The following FBXW11 variants were observed in gnomAD, a reference collection of about 807,000 sequenced individuals.
FBXW11 encodes the protein F-box/WD repeat-containing protein 11.
A neutral mutation model predicts 77.6 loss-of-function variants in FBXW11; 19 were observed. That is an observed-to-expected ratio of 0.24 (90% CI 0.17 to 0.36). FBXW11 has a LOEUF of 0.36. Among genes scored for constraint, FBXW11 ranks in the 10% least tolerant of loss-of-function variants. FBXW11 has a pLI of 1.00. For missense variants in FBXW11, 334 were observed against 704.2 expected (o/e 0.47, Z 5.95); for synonymous variants, 235 against 249.4 (o/e 0.94, Z 0.54).
chr5:171,996,364 G>A (rs1196973435), intron 1 of FBXW11, among the ~76,000 whole-genome samples: 1 of 152,014 alleles, frequency 6.6e-6, no homozygotes, highest in African/African-American at 2.4e-5. Context: ...AAACTATTTG[G>A]GCTTACAATA....
intron 2 of FBXW11, among the ~76,000 whole-genome samples, chr5:171,925,648 T>C (rs1365831664): frequency 6.6e-6 from 1 of 152,120 alleles, no homozygotes; most frequent in Non-Finnish European, 1.5e-5. Context: ...GCCTGGCTAA[T>C]TTTTTTATTT....
intron 1 of FBXW11, among the ~76,000 whole-genome samples, chr5:172,006,009 C>T (rs1031142093): frequency 6.6e-6 from 1 of 152,214 alleles, no homozygotes; most frequent in Non-Finnish European, 1.5e-5. Flanking sequence ...GACGCGGAGG[C>T]CCAGGCGGCC....
chr5:171,969,565 T>C (rs910707339), intron 1 of FBXW11, among the ~76,000 whole-genome samples: 1 of 152,258 alleles, frequency 6.6e-6, no homozygotes, highest in Admixed American at 6.5e-5. Context: ...AAATTATTTC[T>C]GCAAATAAAG....
intron 2 of FBXW11, among the ~76,000 whole-genome samples, chr5:171,938,588 T>C (rs1466675582): frequency 6.6e-6 from 1 of 152,114 alleles, no homozygotes; most frequent in Non-Finnish European, 1.5e-5. Flanking sequence ...TGGAAGAAAA[T>C]TTGTTAATAT....
intron 2 of FBXW11, among the ~76,000 whole-genome samples, chr5:171,939,027 A>C (rs1365994143): frequency 6.6e-6 from 1 of 151,168 alleles, no homozygotes; most frequent in African/African-American, 2.4e-5. Flanking sequence ...CGAGGTCAGG[A>C]GTTTAAGACC....
rs375028061 is a variant in FBXW11, at chr5:171,880,742, G to A, written c.853-2613C>T. Among the ~76,000 whole-genome samples, 12 of 152,296 alleles carry A rather than the reference G, an allele frequency of 7.9e-5. No individual in the cohort carries two copies. The East Asian group carries it at 1.7e-3, about 22-fold the overall frequency. ...GATGGAGTCTCACTCTGTCACCCAG[G>A]CTGGAGTGCAATGGCGCGATCTCGG... is the stretch of plus-strand genomic sequence containing the variant. On this transcript the variant is annotated intron_variant, in intron 7 of 13. Transcript: ENST00000517395.
intron 7 of FBXW11, among the ~76,000 whole-genome samples, chr5:171,885,085 GTTGTGTA>G (rs1758786134): frequency 6.6e-6 from 1 of 152,204 alleles, no homozygotes. Context: ...GGGGGCTGGA[GTTGTGTA>G]TTTCCCTTCC....
At chr5:171,895,449 A>G (rs751009408) in intron 6 of FBXW11, among the ~76,000 whole-genome samples, 6 of 152,134 alleles carry the variant, frequency 3.9e-5, no homozygotes, top group Non-Finnish European at 8.8e-5. Context: ...AAAGCTCCCC[A>G]CTTTCCCTGA....
At chr5:171,864,576 C>T (rs1441576629) in intron 13 of FBXW11, among the ~76,000 whole-genome samples, 1 of 152,112 alleles carries the variant, frequency 6.6e-6, no homozygotes, top group Non-Finnish European at 1.5e-5. Flanking sequence ...CACAAGGAAA[C>T]AAAAATATGC....
At chr5:171,914,541 C>A in intron 2 of FBXW11, 136 bp from the exon 3 acceptor site, 1 of 630,762 alleles carries the variant, frequency 1.6e-6, no homozygotes, top group Non-Finnish European at 2.6e-6. Flanking sequence ...GTGGCTAACA[C>A]ATGCCATTTT....
chr5:172,005,417 G>T (rs1351113255), intron 1 of FBXW11, among the ~76,000 whole-genome samples: 1 of 152,156 alleles, frequency 6.6e-6, no homozygotes, highest in African/African-American at 2.4e-5. Flanking sequence ...TCATGTTCAC[G>T]TTGGCAGGTA....
intron 3 of FBXW11, among the ~76,000 whole-genome samples, chr5:171,911,829 T>C (rs1233273082): frequency 6.6e-6 from 1 of 152,172 alleles, no homozygotes; most frequent in Non-Finnish European, 1.5e-5. Context: ...TCTCAATCAC[T>C]AGACTCAAAC....
At chr5:171,946,254 T>A (rs564757167) in intron 2 of FBXW11, among the ~76,000 whole-genome samples, 1 of 152,200 alleles carries the variant, frequency 6.6e-6, no homozygotes, top group African/African-American at 2.4e-5. Context: ...AATATCTATC[T>A]ACTATTGATT....
intron 1 of FBXW11, among the ~76,000 whole-genome samples, chr5:171,986,683 C>T (rs984891461): frequency 4.7e-5 from 7 of 150,478 alleles, no homozygotes; most frequent in Non-Finnish European, 1.0e-4. Context: ...GCCGAGATGG[C>T]GCCACCGCAC....
intron 8 of FBXW11, among the ~76,000 whole-genome samples, chr5:171,877,582 T>C (rs1337954058): frequency 3.3e-5 from 5 of 151,934 alleles, no homozygotes; most frequent in African/African-American, 9.7e-5. Context: ...GGCTGAGACA[T>C]GATCTCTGGC....
chr5:172,001,351 G>A (rs899177590), intron 1 of FBXW11, among the ~76,000 whole-genome samples: 9 of 152,170 alleles, frequency 5.9e-5, no homozygotes, highest in East Asian at 1.9e-4. Flanking sequence ...ACTGATTATT[G>A]TGAGAATTAG....
chr5:171,887,294 C>G (rs530765658), intron 7 of FBXW11, among the ~76,000 whole-genome samples: 1 of 152,048 alleles, frequency 6.6e-6, no homozygotes, highest in Non-Finnish European at 1.5e-5. Flanking sequence ...TATAGGAAAC[C>G]AACAGAACAG....
At chr5:171,905,143 A>G (rs1368754875) in intron 4 of FBXW11, among the ~76,000 whole-genome samples, 21 of 152,192 alleles carry the variant, frequency 1.4e-4, no homozygotes. Context: ...TCCTCCTTCT[A>G]TGAGGCAGCA....
chr5:171,940,881 G>T (rs1314995989), intron 2 of FBXW11, among the ~76,000 whole-genome samples: 1 of 38,836 alleles, frequency 2.6e-5, no homozygotes, highest in Non-Finnish European at 5.3e-5. Flanking sequence ...GCAAGACTCC[G>T]TCTCAAAAAA....
Sources: gnomAD v4.1 joint callset for allele counts (sites outside exome capture counted in the v4.1 genomes callset) on GRCh38, gnomAD v4.1.1 for gene constraint, MANE v1.5 for transcripts, NCBI Gene and HGNC (gene_info 2026-07-23, HGNC 2026-07-21) for gene names.